PPP6R3: variants seen among roughly 807,000 people sequenced by gnomAD.
PPP6R3 encodes protein phosphatase 6 regulatory subunit 3, also known as serine/threonine-protein phosphatase 6 regulatory subunit 3.
Under a neutral mutation model 110.7 loss-of-function variants are expected in PPP6R3, and 38 were observed. The ratio of observed to expected loss-of-function variants is 0.34; its 90% CI spans 0.26 to 0.45. The LOEUF is 0.45. Ranked by LOEUF, PPP6R3 falls within the 20% of genes least tolerant of loss-of-function variation. PPP6R3 has a pLI of 1.00. For synonymous variants in PPP6R3, 369 were observed against 373.5 expected (o/e 0.99, Z 0.14); for missense variants, 870 against 1,062.4 (o/e 0.82, Z 2.52).
chr11:68,509,493 A>G (rs2099096839), intron 1 of PPP6R3, among the ~76,000 whole-genome samples: 1 of 128,274 alleles, frequency 7.8e-6, no homozygotes, highest in African/African-American at 3.0e-5. Flanking sequence ...TTTTTTTACC[A>G]AGTCCTGCTT....
At chr11:68,477,735 A>ATATATATATATATAT (rs1458541567) in intron 1 of PPP6R3, among the ~76,000 whole-genome samples, 2 of 64,164 alleles carry the variant, frequency 3.1e-5, no homozygotes, top group African/African-American at 1.2e-4. Flanking sequence ...TCTTAAAAAA[A>ATATATATATATATAT]AAAAAAATAT....
intron 1 of PPP6R3, among the ~76,000 whole-genome samples, chr11:68,519,196 A>G (rs1479000809): frequency 1.3e-5 from 2 of 152,216 alleles, no homozygotes; most frequent in Non-Finnish European, 2.9e-5. Flanking sequence ...AATAGAATTG[A>G]TGTTTTCAGA....
chr11:68,516,123 C>T (rs2099135345), intron 1 of PPP6R3, among the ~76,000 whole-genome samples: 2 of 152,152 alleles, frequency 1.3e-5, no homozygotes, highest in South Asian at 2.1e-4. Context: ...TGACTTGGCA[C>T]GTCTTTATGG....
intron 22 of PPP6R3, among the ~76,000 whole-genome samples, chr11:68,606,481 T>A (rs1054068069): frequency 1.7e-4 from 25 of 148,534 alleles, no homozygotes; most frequent in African/African-American, 6.3e-4. Flanking sequence ...TTATGTAGTT[T>A]TTTTTTTTTT....
chr11:68,553,611 A>C (rs140731293), intron 6 of PPP6R3, among the ~76,000 whole-genome samples: 1 of 152,110 alleles, frequency 6.6e-6, no homozygotes, highest in Non-Finnish European at 1.5e-5. Context: ...ACTTTTTTTT[A>C]ATTCAAAAAA....
chr11:68,509,456 T>A (rs1284440858), intron 1 of PPP6R3, among the ~76,000 whole-genome samples: 3 of 149,992 alleles, frequency 2.0e-5, no homozygotes, highest in African/African-American at 7.4e-5. Context: ...TTTATTTTTT[T>A]ATTTTACTTC....
At chr11:68,507,498 A>T (rs547907456) in intron 1 of PPP6R3, among the ~76,000 whole-genome samples, 2 of 152,100 alleles carry the variant, frequency 1.3e-5, no homozygotes, top group East Asian at 3.9e-4. Context: ...TTTGTATTCA[A>T]AATTTTGTGG....
At chr11:68,477,728 TAA>T (rs1181714569) in intron 1 of PPP6R3, among the ~76,000 whole-genome samples, 6,453 of 77,174 alleles carry the variant, frequency 0.084, 335 homozygotes, top group East Asian at 0.15. Flanking sequence ...CATTGTCTCT[TAA>T]AAAAAAAAAA....
intron 1 of PPP6R3, among the ~76,000 whole-genome samples, chr11:68,493,547 T>C (rs894871599): frequency 4.7e-5 from 7 of 149,432 alleles, no homozygotes; most frequent in African/African-American, 1.7e-4. Context: ...ATCCTCCTGC[T>C]ACAGCCTCCC....
intron 15 of PPP6R3, chr11:68,587,122 G>A (rs1566030462): frequency 2.0e-5 from 3 of 151,796 alleles, no homozygotes; most frequent in African/African-American, 4.8e-5. Flanking sequence ...TTGCTTCTTT[G>A]GGCCTGCTTG....
At chr11:68,564,820 A>G (rs2099453016) in intron 9 of PPP6R3, among the ~76,000 whole-genome samples, 1 of 152,210 alleles carries the variant, frequency 6.6e-6, no homozygotes, top group African/African-American at 2.4e-5. Context: ...AGTCGACCTT[A>G]TTTAAGAAAG....
chr11:68,601,572 A>G (rs1251931495), intron 20 of PPP6R3, among the ~76,000 whole-genome samples: 1 of 152,168 alleles, frequency 6.6e-6, no homozygotes. Flanking sequence ...CCTAGTGACT[A>G]TGGTGGGATG....
intron 8 of PPP6R3, among the ~76,000 whole-genome samples, chr11:68,560,059 C>T (rs532809356): frequency 5.3e-5 from 8 of 151,966 alleles, no homozygotes; most frequent in Non-Finnish European, 1.2e-4. Context: ...GCTGTTAAAG[C>T]AGTAGAAGGA....
At chr11:68,578,822 C>T (rs951502931) in intron 14 of PPP6R3, among the ~76,000 whole-genome samples, 9 of 152,208 alleles carry the variant, frequency 5.9e-5, no homozygotes, top group Non-Finnish European at 1.0e-4. Flanking sequence ...CATATACTCC[C>T]TGTGTTTTTA....
chr11:68,591,786 C>T (rs2099596094), intron 18 of PPP6R3, 80 bp downstream of exon 18: 2 of 1,435,164 alleles, frequency 1.4e-6, no homozygotes, highest in South Asian at 1.4e-5. Flanking sequence ...ATTGTGTCAT[C>T]ACCAAACATA....
rs1420653230 is a variant in PPP6R3 at position 68,519,664 on chromosome 11, C to G, written c.-7+13C>G. 2.5e-6 allele frequency: 1 copy of G among 398,304 alleles called. No homozygotes were observed. Among genetic ancestry groups the G allele is most frequent in the Non-Finnish European group, 4.4e-6 (1 of 225,998 alleles). 24.7% of individuals were successfully genotyped at this position (398,304 alleles called of 1,614,324 possible). On this transcript the variant is annotated intron_variant, in intron 2 of 23. Transcript: ENST00000393800. The stretch of plus-strand genomic sequence containing the variant: ...CTTGGTTTGAAAGGTAAGACCATTA[C>G]GATTAGCAGGAGTTTCCTTCCATTA...
intron 2 of PPP6R3, among the ~76,000 whole-genome samples, chr11:68,530,794 T>C (rs2099234496): frequency 6.6e-6 from 1 of 152,224 alleles, no homozygotes; most frequent in South Asian, 2.1e-4. Flanking sequence ...TGGGTACAGT[T>C]ATTTCGCAGT....
intron 1 of PPP6R3, among the ~76,000 whole-genome samples, chr11:68,482,012 C>G (rs1193699): frequency 0.38 from 57,123 of 151,754 alleles, 11,848 homozygotes; most frequent in African/African-American, 0.54. Context: ...CCACTGACTA[C>G]CTGTCTGACC....
intron 14 of PPP6R3, among the ~76,000 whole-genome samples, chr11:68,577,665 A>G (rs1435596866): frequency 6.6e-6 from 1 of 152,220 alleles, no homozygotes; most frequent in Non-Finnish European, 1.5e-5. Context: ...CTGTCAGCAG[A>G]TCTGCTCTGG....
Sources: gnomAD v4.1 joint callset for allele counts (sites outside exome capture counted in the v4.1 genomes callset) on GRCh38, gnomAD v4.1.1 for gene constraint, MANE v1.5 for transcripts, NCBI Gene and HGNC (gene_info 2026-07-23, HGNC 2026-07-21) for gene names.